CELF2: variants seen among roughly 807,000 people sequenced by gnomAD.
CELF2 encodes the protein CUGBP Elav-like family member 2.
Under a neutral mutation model 62.6 loss-of-function variants are expected in CELF2, and 8 were observed. The observed-to-expected ratio is 0.13, with a 90% CI of 0.07 to 0.23. The LOEUF is 0.23. Ranked by LOEUF, CELF2 falls within the 10% of genes least tolerant of loss-of-function variation. CELF2 has a pLI of 1.00. For missense variants in CELF2, 333 were observed against 671.0 expected (o/e 0.50, Z 5.56); for synonymous variants, 258 against 250.0 (o/e 1.03, Z -0.30).
Position 11,293,841 on chromosome 10 carries a change from A to C in CELF2, c.976+5289A>C, listed in dbSNP as rs144301546. 9.9e-5 allele frequency among the ~76,000 whole-genome samples: 15 copies of C among 152,268 alleles called. No homozygotes were observed. The East Asian group carries it at 2.5e-3, about 25-fold the overall frequency. On this transcript the variant is annotated intron_variant, in intron 9 of 12. Coordinates refer to ENST00000633077, the MANE Select transcript of CELF2 (RefSeq NM_001326342.2). ...GGAATAGCGAAGCAAAAATTGTCAA[A>C]GACAAATGTTTAAGGGCCATCTGTT...
At chr10:10,615,329 C>A in the CELF2 span, among the ~76,000 whole-genome samples, 1 of 152,082 alleles carries the variant, frequency 6.6e-6, no homozygotes, top group Non-Finnish European at 1.5e-5. Context: ...ATGCACAAAG[C>A]AGCAAAAAAT....
chr10:10,549,718 A>G, the CELF2 span, among the ~76,000 whole-genome samples: 1 of 152,206 alleles, frequency 6.6e-6, no homozygotes, highest in African/African-American at 2.4e-5. Context: ...ATACTGGATT[A>G]GGGCCCACCC....
the CELF2 span, among the ~76,000 whole-genome samples, chr10:10,470,857 T>A: frequency 6.6e-6 from 1 of 151,358 alleles, no homozygotes; most frequent in East Asian, 1.9e-4. Flanking sequence ...TCCATTCTTC[T>A]ACCTTCTGTG....
Position 11,328,775 on chromosome 10 carries a change from TG to T in CELF2, c.1439-149del. ...GGCACGCCCCATCATCCACTCACGGTGGACTCACGATCAGTTCCGCAGAGCT... is the reference window on the plus strand; with the variant it reads ...GGCACGCCCCATCATCCACTCACGGTGACTCACGATCAGTTCCGCAGAGCT... On this transcript the variant is annotated intron_variant, in intron 12 of 12. Coordinates refer to ENST00000633077, the MANE Select transcript of CELF2 (RefSeq NM_001326342.2). The surrounding 1 kb of genome is among the most constrained non-coding windows in gnomAD (Gnocchi z 6.4). 1 of 751,206 alleles carries T rather than the reference TG, an allele frequency of 1.3e-6. No individual in the cohort carries two copies. Among genetic ancestry groups the T allele is most frequent in the Non-Finnish European group, 2.0e-6 (1 of 494,922 alleles). The allele number at this position is 751,206 out of a possible 1,614,324, so 46.5% of individuals were successfully genotyped here. A position where few individuals can be genotyped will look rare whatever the true frequency, so the allele number is the denominator to read the frequency against.
chr10:10,887,624 T>C (rs1351860513), intron 1 of CELF2, among the ~76,000 whole-genome samples: 1 of 152,354 alleles, frequency 6.6e-6, no homozygotes, highest in African/African-American at 2.4e-5. Context: ...TAGAATATTA[T>C]GCACACTTGG....
chr10:10,548,929 G>A, the CELF2 span, among the ~76,000 whole-genome samples: 2 of 152,134 alleles, frequency 1.3e-5, no homozygotes, highest in African/African-American at 2.4e-5. Context: ...TATTAATTCA[G>A]TTATCGGTAC....
rs536391726 is a variant in CELF2, at chr10:11,309,062, T to G, written c.977-5077T>G. Reference sequence around the variant, plus strand: ...ATCCTTTAGGCATGATTTTTTAGATTGTTATCATATTTATAATAGCTGCTT... The same window carrying G: ...ATCCTTTAGGCATGATTTTTTAGATGGTTATCATATTTATAATAGCTGCTT... On this transcript the variant is annotated intron_variant, in intron 9 of 12. Coordinates refer to ENST00000633077, the MANE Select transcript of CELF2 (RefSeq NM_001326342.2). This position sits in a 1 kb window ranked among gnomAD's most constrained non-coding sequence, Gnocchi z 5.6. Among the ~76,000 whole-genome samples the G allele has an allele frequency of 1.6e-3, 237 of 152,362 alleles. 2 individuals are homozygous for G. Among genetic ancestry groups the G allele is most frequent in the African/African-American group, 5.5e-3 (227 of 41,582 alleles).
intron 9 of CELF2, 56 bp downstream of exon 9, chr10:11,288,608 G>A (rs1357139424): frequency 1.9e-6 from 3 of 1,596,794 alleles, no homozygotes; most frequent in Non-Finnish European, 2.6e-6. Context: ...TGGCAGGTAG[G>A]TTTCCGTGCC....
chr10:10,688,519 G>T, the CELF2 span, among the ~76,000 whole-genome samples: 1 of 152,260 alleles, frequency 6.6e-6, no homozygotes, highest in South Asian at 2.1e-4. Context: ...TAAACCAATT[G>T]AATAGCTGAT....
intron 2 of CELF2, among the ~76,000 whole-genome samples, chr10:10,925,401 G>A (rs938563762): frequency 6.6e-6 from 1 of 151,896 alleles, no homozygotes; most frequent in Non-Finnish European, 1.5e-5. Flanking sequence ...CATGCACTAA[G>A]TATATGCCAA....
At chr10:10,764,154 G>A in the CELF2 span, among the ~76,000 whole-genome samples, 11,241 of 152,284 alleles carry the variant, frequency 0.074, 463 homozygotes, top group African/African-American at 0.09. Context: ...ATACTCTGGG[G>A]AGACTAATGT....
chr10:11,063,204 T>C (rs1011089669), intron 1 of CELF2, among the ~76,000 whole-genome samples: 4 of 152,208 alleles, frequency 2.6e-5, no homozygotes, highest in Non-Finnish European at 5.9e-5. Flanking sequence ...TAGCTTTATT[T>C]TGATGGTCTG....
the CELF2 span, among the ~76,000 whole-genome samples, chr10:10,552,888 A>G: frequency 6.6e-6 from 1 of 152,218 alleles, no homozygotes; most frequent in Admixed American, 6.5e-5. Flanking sequence ...CTGCGAGGGC[A>G]GGGTCCCAGC....
the CELF2 span, among the ~76,000 whole-genome samples, chr10:10,564,673 C>T: frequency 9.8e-5 from 9 of 91,562 alleles, no homozygotes; most frequent in Admixed American, 3.2e-4. Flanking sequence ...CACACACACA[C>T]GCACACACGC....
rs1256628609 is a variant in CELF2 at position 11,246,077 on chromosome 10, G to C, written c.355-3076G>C. Among the ~76,000 whole-genome samples the C allele has an allele frequency of 6.6e-6, 1 of 152,122 alleles. No individual in the cohort carries two copies. Among genetic ancestry groups the C allele is most frequent in the African/African-American group, 2.4e-5 (1 of 41,424 alleles). On this transcript the variant is annotated intron_variant, in intron 3 of 12. Transcript: ENST00000633077. The surrounding 1 kb of genome is among the most constrained non-coding windows in gnomAD (Gnocchi z 4.6). The stretch of plus-strand genomic sequence containing the variant: ...TTTAGAGTATAGGGGCTCTGTTTTT[G>C]CTGCTCCCGAATTTCCACCTGCCAT...
the CELF2 span, among the ~76,000 whole-genome samples, chr10:10,589,476 G>T: frequency 6.6e-6 from 1 of 152,362 alleles, no homozygotes; most frequent in East Asian, 1.9e-4. Context: ...CCTGGGCAGA[G>T]AGGAGACATC....
chr10:11,263,931 A>G (rs1390155907), intron 5 of CELF2, among the ~76,000 whole-genome samples: 2 of 152,190 alleles, frequency 1.3e-5, no homozygotes, highest in Non-Finnish European at 2.9e-5. Context: ...AGAGAGTGAC[A>G]TTTTTCAACA....
the CELF2 span, among the ~76,000 whole-genome samples, chr10:10,781,982 C>T: frequency 1.3e-5 from 2 of 152,088 alleles, no homozygotes; most frequent in South Asian, 2.1e-4. Flanking sequence ...CAACTATTTA[C>T]ACAGCATTTA....
chr10:11,148,270 C>A (rs1385635881), intron 1 of CELF2, among the ~76,000 whole-genome samples: 1 of 152,238 alleles, frequency 6.6e-6, no homozygotes, highest in African/African-American at 2.4e-5. Flanking sequence ...ACAGTGAGAA[C>A]CCTAAGCTGT....
Sources: allele counts gnomAD v4.1 joint callset (sites outside exome capture counted in the v4.1 genomes callset), GRCh38; gene constraint gnomAD v4.1.1; non-coding constraint Gnocchi (gnomAD v3.1); transcripts MANE v1.5; gene names NCBI Gene and HGNC (gene_info 2026-07-23, HGNC 2026-07-21).